VPS41: variants seen among roughly 807,000 people sequenced by gnomAD.
VPS41 encodes the protein vacuolar protein sorting-associated protein 41 homolog.
VPS41 carries 85 observed loss-of-function variants against 130.9 expected under a neutral mutation model. That is an observed-to-expected ratio of 0.65 (90% CI 0.55 to 0.78). VPS41 has a LOEUF of 0.78. VPS41 is among the 30% of genes least tolerant of loss of function. The probability of loss-of-function intolerance (pLI) is 0.00; values close to 1 mark genes in which losing one functional copy is unlikely to be tolerated. For missense variants in VPS41, 874 were observed against 1,018.7 expected (o/e 0.86, Z 1.93); for synonymous variants, 335 against 332.9 (o/e 1.01, Z -0.07).
chr7:38,777,345 GA>G (rs1366540985), intron 10 of VPS41, among the ~76,000 whole-genome samples: 2 of 136,158 alleles, frequency 1.5e-5, no homozygotes, highest in Non-Finnish European at 3.1e-5. Context: ...AAAGGCTAGA[GA>G]AAAATAATAA....
chr7:38,883,233 C>A (rs1786652194), intron 2 of VPS41, among the ~76,000 whole-genome samples: 2 of 152,150 alleles, frequency 1.3e-5, no homozygotes, highest in South Asian at 4.1e-4. Flanking sequence ...CAGAGTGAGA[C>A]TCCTCAAAAA....
chr7:38,845,049 G>T (rs1785694190), intron 4 of VPS41, among the ~76,000 whole-genome samples: 1 of 152,124 alleles, frequency 6.6e-6, no homozygotes, highest in Non-Finnish European at 1.5e-5. Flanking sequence ...AAAAGCACAG[G>T]GAGGATTTGA....
chr7:38,868,660 T>C (rs1786280635), intron 3 of VPS41, among the ~76,000 whole-genome samples: 1 of 152,218 alleles, frequency 6.6e-6, no homozygotes, highest in Non-Finnish European at 1.5e-5. Flanking sequence ...GACCCAGATG[T>C]GGAATAAATT....
chr7:38,781,055 C>T lies in VPS41; in HGVS notation c.785-4279G>A, dbSNP rs562294302. ...AGCATCATGCTTACTGTATAGCCTGCAGGACTGTGAGAATTAAACCTCTTT... is the reference window on the plus strand; with the variant it reads ...AGCATCATGCTTACTGTATAGCCTGTAGGACTGTGAGAATTAAACCTCTTT... On this transcript the variant is annotated intron_variant, in intron 10 of 28. Coordinates refer to ENST00000310301, the MANE Select transcript of VPS41 (RefSeq NM_014396.4). 3.9e-5 allele frequency among the ~76,000 whole-genome samples: 6 copies of T among 152,250 alleles called. No individual in the cohort carries two copies. In the East Asian group the frequency reaches 9.7e-4, roughly 25 times the overall value.
At chr7:38,871,444 A>AT (rs1292957951) in intron 2 of VPS41, among the ~76,000 whole-genome samples, 1 of 152,230 alleles carries the variant, frequency 6.6e-6, no homozygotes, top group Non-Finnish European at 1.5e-5. Context: ...TTAATATCAG[A>AT]TATCTCATTT....
At chr7:38,795,780 A>C (rs1290397359) in intron 8 of VPS41, among the ~76,000 whole-genome samples, 169 bp from the exon 9 acceptor site, 4 of 152,218 alleles carry the variant, frequency 2.6e-5, no homozygotes. Context: ...TGTGGGAACT[A>C]AAACCACAAG....
intron 4 of VPS41, among the ~76,000 whole-genome samples, chr7:38,834,595 T>C (rs1002782646): frequency 1.3e-5 from 2 of 152,168 alleles, no homozygotes; most frequent in African/African-American, 4.8e-5. Flanking sequence ...CATGGTTTAC[T>C]CTCAACAGAG....
At chr7:38,801,524 C>A (rs747854885) in intron 7 of VPS41, among the ~76,000 whole-genome samples, 1 of 152,058 alleles carries the variant, frequency 6.6e-6, no homozygotes, top group Non-Finnish European at 1.5e-5. Context: ...TAAGGAAATA[C>A]TAAATAAAGT....
intron 6 of VPS41, among the ~76,000 whole-genome samples, chr7:38,819,773 C>G (rs1785133278): frequency 6.6e-6 from 1 of 152,122 alleles, no homozygotes; most frequent in African/African-American, 2.4e-5. Flanking sequence ...GTTTTTTCTT[C>G]CACAGCCTGA....
At chr7:38,818,249 C>CG (rs1785099581) in intron 6 of VPS41, among the ~76,000 whole-genome samples, 1 of 130,336 alleles carries the variant, frequency 7.7e-6, no homozygotes, top group African/African-American at 2.9e-5. Context: ...GAAAACAAAA[C>CG]AAAAAAAAAA....
chr7:38,851,274 A>G (rs1033107728), intron 4 of VPS41, among the ~76,000 whole-genome samples: 2 of 152,244 alleles, frequency 1.3e-5, no homozygotes, highest in Admixed American at 6.5e-5. Context: ...CCACATCAGT[A>G]AAGTGAAATC....
intron 1 of VPS41, among the ~76,000 whole-genome samples, chr7:38,898,956 A>T (rs1320012088): frequency 3.9e-3 from 4 of 1,022 alleles, no homozygotes; most frequent in Admixed American, 0.016. Flanking sequence ...AAAGAACAAG[A>T]AAAAAATGGG....
chr7:38,832,160 GTTGTT>G (rs927340163), intron 4 of VPS41, among the ~76,000 whole-genome samples: 10 of 151,610 alleles, frequency 6.6e-5, no homozygotes, highest in African/African-American at 2.4e-4. Flanking sequence ...TAACATGTTT[GTTGTT>G]TTGTCAATCT....
chr7:38,787,339 C>T (rs777608050), intron 10 of VPS41, among the ~76,000 whole-genome samples: 25 of 152,052 alleles, frequency 1.6e-4, no homozygotes, highest in Admixed American at 3.3e-4. Flanking sequence ...GTGAAAAGTA[C>T]CAGAGGCTCA....
At chr7:38,805,806 G>A (rs1479021857) in intron 7 of VPS41, among the ~76,000 whole-genome samples, 1 of 152,128 alleles carries the variant, frequency 6.6e-6, no homozygotes, top group Non-Finnish European at 1.5e-5. Flanking sequence ...CTACTCTAAA[G>A]CCTCATTTAG....
chr7:38,791,322 TA>T (rs1206503430), intron 9 of VPS41, among the ~76,000 whole-genome samples: 2 of 152,342 alleles, frequency 1.3e-5, no homozygotes, highest in African/African-American at 4.8e-5. Context: ...TGTGCTGATA[TA>T]AGTACATGAG....
intron 4 of VPS41, among the ~76,000 whole-genome samples, chr7:38,860,203 T>A (rs1414481461): frequency 1.3e-5 from 2 of 152,160 alleles, no homozygotes; most frequent in Non-Finnish European, 2.9e-5. Context: ...CAATATTGAG[T>A]AGCAGAAAGG....
chr7:38,853,375 C>T (rs10272658), intron 4 of VPS41, among the ~76,000 whole-genome samples: 38,443 of 147,398 alleles, frequency 0.26, 6,332 homozygotes, highest in Non-Finnish European at 0.38. Flanking sequence ...GCTGAGATTG[C>T]GCCACTGCAC....
chr7:38,904,926 G>A (rs2116462565), intron 1 of VPS41, among the ~76,000 whole-genome samples: 1 of 152,228 alleles, frequency 6.6e-6, no homozygotes, highest in Middle Eastern at 3.4e-3. Flanking sequence ...TGATTAGGAA[G>A]ATCAAAGGGT....
Sources: gnomAD v4.1 joint callset for allele counts (sites outside exome capture counted in the v4.1 genomes callset) on GRCh38, gnomAD v4.1.1 for gene constraint, MANE v1.5 for transcripts, NCBI Gene and HGNC (gene_info 2026-07-23, HGNC 2026-07-21) for gene names.